ERLEC1: variants seen among roughly 807,000 people sequenced by gnomAD.
ERLEC1 encodes ER lectin.
Under a neutral mutation model 68.0 loss-of-function variants are expected in ERLEC1, and 47 were observed. The ratio of observed to expected loss-of-function variants is 0.69; its 90% CI spans 0.55 to 0.88. The LOEUF (loss-of-function observed/expected upper bound fraction) is 0.88. Among genes scored for constraint, ERLEC1 ranks in the 40% least tolerant of loss-of-function variants. The pLI is 0.00. For missense variants in ERLEC1, 567 were observed against 583.8 expected (o/e 0.97, Z 0.30); for synonymous variants, 225 against 203.2 (o/e 1.11, Z -0.91).
intron 1 of ERLEC1, among the ~76,000 whole-genome samples, chr2:53,790,620 A>T (rs1171978766): frequency 1.3e-5 from 2 of 152,182 alleles, no homozygotes; most frequent in Non-Finnish European, 2.9e-5. Flanking sequence ...AGTATTAAGC[A>T]CCAAAACTGT....
chr2:53,803,452 C>G (rs1261352350), intron 8 of ERLEC1, among the ~76,000 whole-genome samples: 1 of 152,100 alleles, frequency 6.6e-6, no homozygotes, highest in Non-Finnish European at 1.5e-5. Flanking sequence ...GAAAAGATGC[C>G]AGTTTACTTC....
intron 1 of ERLEC1, among the ~76,000 whole-genome samples, chr2:53,790,243 G>A (rs1001270259): frequency 9.6e-5 from 13 of 134,818 alleles, no homozygotes; most frequent in Admixed American, 5.1e-4. Context: ...GTAAGCGTGC[G>A]CTACCACACC....
At chr2:53,813,216 T>G in intron 11 of ERLEC1, 143 bp downstream of exon 11, 2 of 997,528 alleles carry the variant, frequency 2.0e-6, no homozygotes, top group Non-Finnish European at 2.9e-6. Context: ...TAGTTTTCTT[T>G]TCTTAGGGAA....
At chr2:53,801,866 C>G (rs200265824) in intron 8 of ERLEC1, 24 bp downstream of exon 8, 1 of 1,585,840 alleles carries the variant, frequency 6.3e-7, no homozygotes, top group East Asian at 2.2e-5. Context: ...CTAATGATAG[C>G]TTTTTGGTGC....
intron 8 of ERLEC1, among the ~76,000 whole-genome samples, chr2:53,806,973 C>T (rs79504484): frequency 0.023 from 3,553 of 152,260 alleles, 60 homozygotes; most frequent in Non-Finnish European, 0.037. Flanking sequence ...AGATTCTCTT[C>T]ATCTCTCACC....
In ERLEC1 at chr2:53,787,343, G is replaced by C; in HGVS notation, c.133G>C (p.Val45Leu). The C allele has an allele frequency of 3.7e-6, 6 of 1,612,020 alleles. No homozygotes were observed. The highest frequency in any genetic ancestry group is 4.2e-6 in the Non-Finnish European group (5 of 1,179,866). ...PQLSDDIPFR[V>L]NWPGTEFSLP... The stretch of plus-strand genomic sequence containing the variant: ...ACTCAGCGATGACATCCCTTTCCGA[G>C]TCAACTGGCCCGGCACCGAGTTCTC... The change falls in exon 1 of 14, where the codon GTC becomes CTC. Residue 45 changes from valine (V) to leucine (L), a missense_variant. By Grantham distance (32) the Val-to-Leu change is conservative. Coordinates refer to ENST00000185150, the MANE Select transcript of ERLEC1 (RefSeq NM_015701.5).
At chr2:53,792,216 C>CTTT (rs535494639) in intron 1 of ERLEC1, among the ~76,000 whole-genome samples, 1 of 138,172 alleles carries the variant, frequency 7.2e-6, no homozygotes, top group Non-Finnish European at 1.6e-5. Context: ...CGCGCCAGGC[C>CTTT]TTTTTTTTTT....
intron 8 of ERLEC1, among the ~76,000 whole-genome samples, chr2:53,807,099 T>C (rs915017639): frequency 6.6e-6 from 1 of 152,202 alleles, no homozygotes; most frequent in East Asian, 1.9e-4. Flanking sequence ...CATCTTTGCC[T>C]AAATCCTATA....
intron 6 of ERLEC1, among the ~76,000 whole-genome samples, chr2:53,799,549 A>C (rs1289632318): frequency 1.3e-5 from 2 of 152,204 alleles, no homozygotes; most frequent in Non-Finnish European, 2.9e-5. Context: ...TAGGCACTTC[A>C]TAAATGTTAA....
chr2:53,803,260 C>T (rs1002579429), intron 8 of ERLEC1, among the ~76,000 whole-genome samples: 1 of 152,198 alleles, frequency 6.6e-6, no homozygotes, highest in Non-Finnish European at 1.5e-5. Flanking sequence ...GTGACCAACA[C>T]TGTCATTCTG....
chr2:53,791,775 A>G (rs1372807677), intron 1 of ERLEC1, among the ~76,000 whole-genome samples: 1 of 152,092 alleles, frequency 6.6e-6, no homozygotes, highest in Admixed American at 6.5e-5. Flanking sequence ...AGGAATTACA[A>G]ATGTTATGTC....
intron 8 of ERLEC1, among the ~76,000 whole-genome samples, chr2:53,804,488 C>T (rs550017732): frequency 3.3e-5 from 5 of 152,194 alleles, no homozygotes; most frequent in South Asian, 2.1e-4. Context: ...GTTGCCCAGG[C>T]GGGTCTCGAA....
chr2:53,817,623 G>T (rs1045103208), intron 13 of ERLEC1, among the ~76,000 whole-genome samples: 4 of 151,696 alleles, frequency 2.6e-5, no homozygotes, highest in Non-Finnish European at 5.9e-5. Flanking sequence ...CATTTTTGTT[G>T]TATAAGAGCT....
At chr2:53,814,476 T>C in intron 11 of ERLEC1, 67 bp from the exon 12 acceptor site, 1 of 1,104,576 alleles carries the variant, frequency 9.1e-7, no homozygotes, top group Non-Finnish European at 1.4e-6. Context: ...CTTCTCACCC[T>C]ACCCATTACA....
At chr2:53,813,569 G>C (rs1676703276) in intron 11 of ERLEC1, among the ~76,000 whole-genome samples, 1 of 152,128 alleles carries the variant, frequency 6.6e-6, no homozygotes, top group Admixed American at 6.6e-5. Flanking sequence ...GGATATATGA[G>C]TATACCTTGT....
chr2:53,814,908 G>C lies in ERLEC1; in HGVS notation c.1353G>C (p.Glu451Asp). The change falls in exon 13 of 14, where the codon GAG (glutamate) becomes GAC (aspartate). Residue 451 changes from glutamate (E) to aspartate (D), a missense_variant. Physicochemically the swap from Glu to Asp is conservative, Grantham distance 45. Coordinates refer to ENST00000185150, the MANE Select transcript of ERLEC1 (RefSeq NM_015701.5). ...SPHAVTVYML[E>D]PHSCQYILGV... ...ATGCTGTTACTGTATATATGCTAGAGCCTCACTCCTGTCAATATATTCTTG... is the reference window on the plus strand; with the variant it reads ...ATGCTGTTACTGTATATATGCTAGACCCTCACTCCTGTCAATATATTCTTG... 2 of 1,602,336 alleles carry C rather than the reference G, an allele frequency of 1.2e-6. No homozygotes were observed. Among genetic ancestry groups the C allele is most frequent in the Non-Finnish European group, 1.7e-6 (2 of 1,173,274 alleles).
chr2:53,798,530 G>A (rs1366762992), intron 5 of ERLEC1, among the ~76,000 whole-genome samples: 1 of 151,880 alleles, frequency 6.6e-6, no homozygotes, highest in African/African-American at 2.4e-5. Flanking sequence ...AAAGTCCTGG[G>A]ATCGTATGCA....
chr2:53,817,309 A>G (rs1676952378), intron 13 of ERLEC1, among the ~76,000 whole-genome samples: 1 of 151,556 alleles, frequency 6.6e-6, no homozygotes, highest in African/African-American at 2.4e-5. Context: ...AATTTTTTGT[A>G]TTTTTAGTAG....
intron 11 of ERLEC1, among the ~76,000 whole-genome samples, chr2:53,813,906 A>G (rs1344090839): frequency 6.6e-6 from 1 of 152,104 alleles, no homozygotes; most frequent in African/African-American, 2.4e-5. Flanking sequence ...ATCATTTAGC[A>G]TTAGGTATAT....
Sources: allele counts gnomAD v4.1 joint callset (sites outside exome capture counted in the v4.1 genomes callset), GRCh38; gene constraint gnomAD v4.1.1; transcripts MANE v1.5; gene names NCBI Gene and HGNC (gene_info 2026-07-23, HGNC 2026-07-21).